The following PCSK5 variants were observed in gnomAD, a reference collection of about 807,000 sequenced individuals.
PCSK5 encodes the protein prohormone convertase 5.
Under a neutral mutation model 233.2 loss-of-function variants are expected in PCSK5, and 129 were observed. The observed-to-expected ratio is 0.55, with a 90% CI of 0.48 to 0.64. The LOEUF (loss-of-function observed/expected upper bound fraction) is 0.64, where lower values mean the gene tolerates loss of function less well. Ranked by LOEUF, PCSK5 falls within the 30% of genes least tolerant of loss-of-function variation. The pLI is 0.00. For synonymous variants in PCSK5, 825 were observed against 879.2 expected (o/e 0.94, Z 1.09); for missense variants, 2,076 against 2,430.1 (o/e 0.85, Z 3.06).
intron 17 of PCSK5, among the ~76,000 whole-genome samples, chr9:76,187,606 A>C (rs181506800): frequency 6.6e-6 from 1 of 152,084 alleles, no homozygotes; most frequent in Admixed American, 6.6e-5. Context: ...CGAGTGATCC[A>C]CCCACCTTGG....
chr9:76,096,130 A>G, intron 8 of PCSK5, 28 bp downstream of exon 8: 2 of 1,497,124 alleles, frequency 1.3e-6, no homozygotes, highest in South Asian at 2.3e-5. Flanking sequence ...GCCCATCATG[A>G]TCTGTTTATT....
chr9:76,040,341 C>G (rs904761418), intron 5 of PCSK5, among the ~76,000 whole-genome samples: 1 of 42,404 alleles, frequency 2.4e-5, no homozygotes, highest in Non-Finnish European at 4.3e-5. Context: ...CTCTCTCTCT[C>G]TCTCTCTCTC....
chr9:76,158,959 AC>A, intron 11 of PCSK5, 23 bp from the exon 12 acceptor site: 1 of 1,598,890 alleles, frequency 6.3e-7, no homozygotes, highest in South Asian at 1.1e-5. Context: ...ATTTGCTCAA[AC>A]TCTCCATCTC....
intron 28 of PCSK5, 63 bp from the exon 29 acceptor site, chr9:76,308,582 G>T: frequency 2.2e-6 from 2 of 908,730 alleles, no homozygotes; most frequent in South Asian, 1.4e-5. Context: ...ATCTTTTTCA[G>T]TACTGGAATC....
intron 2 of PCSK5, among the ~76,000 whole-genome samples, chr9:75,962,439 A>T (rs572236532): frequency 6.6e-6 from 1 of 152,312 alleles, no homozygotes; most frequent in South Asian, 2.1e-4. Context: ...TGGCAGATTC[A>T]TCCTGGAGCC....
At position 76,360,081 on chromosome 9, in the gene PCSK5, C is replaced by T. The variant is rs1301968672; in HGVS notation, c.*1159C>T. 2 of 152,172 alleles carry T rather than the reference C, an allele frequency of 1.3e-5. No individual in the cohort carries two copies. Among genetic ancestry groups the T allele is most frequent in the African/African-American group, 4.8e-5 (2 of 41,434 alleles). The allele number at this position is 152,172 out of a possible 1,614,324, so 9.4% of individuals were successfully genotyped here. On this transcript the variant is annotated 3_prime_UTR_variant, in exon 38 of 38. Transcript: ENST00000674117. ...CCAGATTGTAACACAGAGAAGGGCT[C>T]TTGCTATGCAAAATGATGTTGGCAG...
intron 20 of PCSK5, among the ~76,000 whole-genome samples, chr9:76,220,091 TAAAG>T (rs1475566402): frequency 6.6e-6 from 1 of 152,110 alleles, no homozygotes; most frequent in Non-Finnish European, 1.5e-5. Context: ...GCCCACTAAA[TAAAG>T]AGACTGTCAA....
rs116497270 is a variant in PCSK5 at position 76,194,559 on chromosome 9, T to C, written c.2626+4813T>C. The C allele has an allele frequency of 9.7e-3, 2,782 of 287,882 alleles. 77 individuals are homozygous for C. Among genetic ancestry groups the C allele is most frequent in the African/African-American group, 0.059 (2,600 of 44,320 alleles). The allele number at this position is 287,882 out of a possible 1,614,324, so 17.8% of individuals were successfully genotyped here. A position where few individuals can be genotyped will look rare whatever the true frequency, so the allele number is the denominator to read the frequency against. ...GTCCCTCTATAACTATGCCATACTA[T>C]TATATGCTGGTCCACTGAATGCTGA... On this transcript the variant is annotated intron_variant, in intron 20 of 37. Transcript: ENST00000674117.
chr9:76,082,962 A>G (rs980468423), intron 7 of PCSK5, among the ~76,000 whole-genome samples: 1 of 152,034 alleles, frequency 6.6e-6, no homozygotes, highest in African/African-American at 2.4e-5. Context: ...TTATAACAGC[A>G]CTCTGGGAGG....
At chr9:76,251,301 C>T (rs7853361) in intron 24 of PCSK5, among the ~76,000 whole-genome samples, 42,323 of 150,954 alleles carry the variant, frequency 0.28, 6,902 homozygotes, top group East Asian at 0.7. Flanking sequence ...CGGTGGCTCA[C>T]GCCTGTAATC....
At chr9:76,138,368 C>T (rs982783522) in intron 10 of PCSK5, among the ~76,000 whole-genome samples, 6 of 152,148 alleles carry the variant, frequency 3.9e-5, no homozygotes, top group East Asian at 1.9e-4. Flanking sequence ...TCTGTGGTGT[C>T]TGATGTGTAT....
intron 9 of PCSK5, among the ~76,000 whole-genome samples, chr9:76,110,531 A>G (rs1832167708): frequency 6.6e-6 from 1 of 152,036 alleles, no homozygotes; most frequent in Non-Finnish European, 1.5e-5. Flanking sequence ...CCATTCAAAA[A>G]CCTTCCCAGG....
intron 4 of PCSK5, among the ~76,000 whole-genome samples, chr9:76,024,169 A>G (rs1828321604): frequency 1.3e-5 from 2 of 152,216 alleles, no homozygotes; most frequent in Non-Finnish European, 2.9e-5. Context: ...GCTGTTCTCA[A>G]CAATTTATCC....
chr9:76,184,905 G>C (rs1170003631), intron 17 of PCSK5, 148 bp downstream of exon 17: 3 of 512,652 alleles, frequency 5.9e-6, no homozygotes, highest in Non-Finnish European at 1.0e-5. Flanking sequence ...ATTGCTATTT[G>C]CATTATCTCT....
chr9:76,233,592 A>G lies in PCSK5; in HGVS notation c.2862A>G (p.Gly954=). The G allele has an allele frequency of 6.2e-7, 1 of 1,609,336 alleles. No homozygotes were observed. The highest frequency in any genetic ancestry group is 8.5e-7 in the Non-Finnish European group (1 of 1,179,578). ...GCCCTACCCACTGCACCTCCTGTGG[A>G]GCAGGTGAGAGACTGCTGCTCCTCC... The part of the protein sequence containing the change: ...GSGPTHCTSC[G]ADNYGREHFL... Residue 954 remains glycine (G), a synonymous_variant, in exon 22 of 38, where the codon GGA becomes GGG. Coordinates refer to ENST00000674117, the MANE Select transcript of PCSK5 (RefSeq NM_001372043.1).
intron 5 of PCSK5, among the ~76,000 whole-genome samples, chr9:76,061,749 TAAAG>T (rs1419869557): frequency 2.0e-5 from 3 of 152,158 alleles, no homozygotes; most frequent in African/African-American, 7.2e-5. Context: ...GTTTCTGACA[TAAAG>T]AAAAGACAAA....
intron 5 of PCSK5, among the ~76,000 whole-genome samples, chr9:76,038,733 C>T (rs1303144226): frequency 2.0e-5 from 3 of 152,148 alleles, no homozygotes; most frequent in Non-Finnish European, 4.4e-5. Context: ...GGGAAATCCC[C>T]AAAGTCAGGA....
intron 12 of PCSK5, among the ~76,000 whole-genome samples, chr9:76,163,950 G>A (rs752133870): frequency 2.7e-5 from 4 of 145,600 alleles, no homozygotes; most frequent in Non-Finnish European, 4.5e-5. Flanking sequence ...TTTTGGCCTC[G>A]ATTGAAAGGT....
chr9:75,963,816 T>G lies in PCSK5; in HGVS notation c.298-22316T>G, dbSNP rs151282166. ...ATTGCTTGAACCCAGGAGGCAAAGG[T>G]TGCAGTGAGCCGAAATCGTGCCATT... On this transcript the variant is annotated intron_variant, in intron 2 of 37. Transcript: ENST00000674117. 4.2e-3 allele frequency among the ~76,000 whole-genome samples: 632 copies of G among 152,270 alleles called. 5 individuals carry two copies. Among genetic ancestry groups the G allele is most frequent in the African/African-American group, 0.015 (604 of 41,558 alleles).
Sources: allele counts gnomAD v4.1 joint callset (sites outside exome capture counted in the v4.1 genomes callset), GRCh38; gene constraint gnomAD v4.1.1; transcripts MANE v1.5; gene names NCBI Gene and HGNC (gene_info 2026-07-23, HGNC 2026-07-21).